PALLD: variants seen among roughly 807,000 people sequenced by gnomAD.
The protein encoded by PALLD is palladin, cytoskeletal associated protein.
Under a neutral mutation model 123.5 loss-of-function variants are expected in PALLD, and 61 were observed. The ratio of observed to expected loss-of-function variants is 0.49; its 90% CI spans 0.40 to 0.61. The LOEUF (loss-of-function observed/expected upper bound fraction) is 0.61, where lower values mean the gene tolerates loss of function less well. Among genes scored for constraint, PALLD ranks in the 20% least tolerant of loss-of-function variants. The probability of loss-of-function intolerance (pLI) is 0.00; values close to 1 mark genes in which losing one functional copy is unlikely to be tolerated. For synonymous variants in PALLD, 465 were observed against 496.4 expected (o/e 0.94, Z 0.84); for missense variants, 1,273 against 1,377.0 (o/e 0.92, Z 1.20).
chr4:168,498,234 T>A (rs565661515), intron 1 of PALLD, among the ~76,000 whole-genome samples: 1 of 152,364 alleles, frequency 6.6e-6, no homozygotes, highest in Non-Finnish European at 1.5e-5. Context: ...AAATACATGA[T>A]TACACATTCC....
At chr4:168,691,483 TCAA>T (rs1782627709) in intron 8 of PALLD, among the ~76,000 whole-genome samples, 191 bp downstream of exon 8, 1 of 152,184 alleles carries the variant, frequency 6.6e-6, no homozygotes, top group South Asian at 2.1e-4. Context: ...GCATTTTACA[TCAA>T]CGTCTTTATT....
intron 10 of PALLD, among the ~76,000 whole-genome samples, chr4:168,849,876 C>A (rs1412414131): frequency 6.6e-6 from 1 of 152,100 alleles, no homozygotes; most frequent in Non-Finnish European, 1.5e-5. Context: ...GCTTATCTTC[C>A]CCATTCCCTC....
At chr4:168,893,489 A>G (rs1241419636) in intron 11 of PALLD, among the ~76,000 whole-genome samples, 2 of 152,218 alleles carry the variant, frequency 1.3e-5, no homozygotes, top group East Asian at 1.9e-4. Context: ...AATTTACCCA[A>G]CATATTTTCC....
chr4:168,861,370 T>A (rs990948925), intron 10 of PALLD, among the ~76,000 whole-genome samples: 2 of 152,108 alleles, frequency 1.3e-5, no homozygotes, highest in South Asian at 4.2e-4. Flanking sequence ...AGGAGGGAAC[T>A]TGAGAAATGG....
chr4:168,741,611 G>A (rs908272772), intron 10 of PALLD, among the ~76,000 whole-genome samples: 2 of 152,114 alleles, frequency 1.3e-5, no homozygotes, highest in African/African-American at 4.8e-5. Flanking sequence ...TTGAGTCCAG[G>A]AATTCAAGGC....
chr4:168,924,354 T>C lies in PALLD; in HGVS notation c.3158T>C (p.Val1053Ala), dbSNP rs1582242284. Residue 1053 changes from valine to alanine, a missense_variant, in exon 19 of 22, where the codon GTG becomes GCG. This residue lies in a region of PALLD where 329 missense variants were observed against 422.5 expected (regional missense o/e 0.78). Transcript: ENST00000505667. ...PVRLECRVLG[V>A]PPPQIFWKKE... ...CGGCTGGAATGTCGTGTATTGGGAGTGCCACCACCTCAGATATTTTGGAAG... is the reference window on the plus strand; with the variant it reads ...CGGCTGGAATGTCGTGTATTGGGAGCGCCACCACCTCAGATATTTTGGAAG... The C allele has an allele frequency of 3.1e-6, 5 of 1,613,820 alleles. No homozygotes were observed. The highest frequency in any genetic ancestry group is 4.2e-6 in the Non-Finnish European group (5 of 1,179,854).
intron 2 of PALLD, among the ~76,000 whole-genome samples, chr4:168,600,070 T>C (rs1029270033): frequency 2.8e-5 from 4 of 144,350 alleles, no homozygotes; most frequent in Non-Finnish European, 3.0e-5. Flanking sequence ...CATACATGTG[T>C]ATACACACAC....
chr4:168,888,084 G>A (rs1200638560), intron 10 of PALLD, among the ~76,000 whole-genome samples: 2 of 152,234 alleles, frequency 1.3e-5, no homozygotes, highest in East Asian at 1.9e-4. Context: ...GAGTAGGAGG[G>A]GAGAGAGGTT....
intron 10 of PALLD, among the ~76,000 whole-genome samples, chr4:168,854,104 G>A (rs1748215266): frequency 6.6e-6 from 1 of 152,170 alleles, no homozygotes; most frequent in South Asian, 2.1e-4. Flanking sequence ...TTTGTCTAGA[G>A]TCTCCTGGTA....
intron 17 of PALLD, among the ~76,000 whole-genome samples, chr4:168,918,361 A>C (rs539343359): frequency 1.3e-5 from 2 of 151,562 alleles, no homozygotes; most frequent in African/African-American, 4.8e-5. Context: ...CACACAGTGG[A>C]AAATTATAAT....
At chr4:168,642,394 A>G (rs1777047412) in intron 2 of PALLD, among the ~76,000 whole-genome samples, 2 of 151,528 alleles carry the variant, frequency 1.3e-5, no homozygotes, top group African/African-American at 2.4e-5. Context: ...ATTTTTATTT[A>G]TGTATTTATT....
At chr4:168,894,527 A>T in intron 11 of PALLD, 52 bp from the exon 12 acceptor site, 1 of 1,116,390 alleles carries the variant, frequency 9.0e-7, no homozygotes, top group East Asian at 2.5e-5. Context: ...AGGGCAGTAC[A>T]TATTTGTGAT....
chr4:168,657,373 T>C (rs1357360061), intron 2 of PALLD, among the ~76,000 whole-genome samples: 1 of 152,226 alleles, frequency 6.6e-6, no homozygotes, highest in East Asian at 1.9e-4. Context: ...AGTTTCTTGG[T>C]ACACATTTGA....
intron 2 of PALLD, among the ~76,000 whole-genome samples, chr4:168,582,789 G>A (rs1296524317): frequency 1.3e-5 from 2 of 152,116 alleles, no homozygotes; most frequent in Non-Finnish European, 1.5e-5. Flanking sequence ...TGATCCTGAT[G>A]TATGATCCTT....
chr4:168,797,976 A>G (rs978573474), intron 10 of PALLD, among the ~76,000 whole-genome samples: 1 of 152,168 alleles, frequency 6.6e-6, no homozygotes, highest in Non-Finnish European at 1.5e-5. Flanking sequence ...AGTGTCATCA[A>G]ATCAGAACCA....
At chr4:168,737,771 GA>G (rs1787906632) in intron 10 of PALLD, among the ~76,000 whole-genome samples, 1 of 152,224 alleles carries the variant, frequency 6.6e-6, no homozygotes, top group African/African-American at 2.4e-5. Context: ...AAGTAAGAAA[GA>G]GAAGAAATAA....
At chr4:168,779,968 A>G (rs1735670010) in intron 10 of PALLD, among the ~76,000 whole-genome samples, 2 of 150,150 alleles carry the variant, frequency 1.3e-5, no homozygotes, top group South Asian at 2.1e-4. Context: ...GCGTGATCTC[A>G]GCTCACTGCA....
chr4:168,508,741 T>A (rs1035838351), intron 1 of PALLD, among the ~76,000 whole-genome samples: 5 of 151,880 alleles, frequency 3.3e-5, no homozygotes, highest in Non-Finnish European at 7.4e-5. Context: ...AAATATAGTC[T>A]GTTGTGCCTT....
chr4:168,838,654 T>A (rs562532266), intron 10 of PALLD, among the ~76,000 whole-genome samples: 1 of 149,774 alleles, frequency 6.7e-6, no homozygotes, highest in Non-Finnish European at 1.5e-5. Flanking sequence ...GGAGAGAGAT[T>A]ATCTTCTAAC....
Sources: gnomAD v4.1 joint callset for allele counts (sites outside exome capture counted in the v4.1 genomes callset) on GRCh38, gnomAD v4.1.1 for gene constraint, gnomAD v4.1.1 regional missense constraint, MANE v1.5 for transcripts, NCBI Gene and HGNC (gene_info 2026-07-23, HGNC 2026-07-21) for gene names.